CATSPERB: variants seen among roughly 807,000 people sequenced by gnomAD.
The protein encoded by CATSPERB is catsper channel auxiliary subunit beta, also known as cation channel sperm-associated auxiliary subunit beta.
CATSPERB carries 93 observed loss-of-function variants against 128.3 expected under a neutral mutation model. The observed-to-expected ratio is 0.72, with a 90% CI of 0.61 to 0.86. The LOEUF is 0.86. Ranked by LOEUF, CATSPERB falls within the 40% of genes least tolerant of loss-of-function variation. The pLI, the probability that CATSPERB is intolerant of heterozygous loss-of-function variation, is 0.00. For missense variants in CATSPERB, 1,153 were observed against 1,329.5 expected (o/e 0.87, Z 2.06); for synonymous variants, 381 against 448.8 (o/e 0.85, Z 1.91).
intron 15 of CATSPERB, among the ~76,000 whole-genome samples, chr14:91,653,693 C>T (rs535412945): frequency 1.3e-5 from 2 of 152,224 alleles, no homozygotes. Flanking sequence ...AAAAACCAGC[C>T]CCCATGATTT....
intron 15 of CATSPERB, among the ~76,000 whole-genome samples, chr14:91,649,797 C>T (rs1224949525): frequency 1.3e-5 from 2 of 151,632 alleles, no homozygotes; most frequent in African/African-American, 4.9e-5. Context: ...TTAGTTTTAA[C>T]TTTTTGTTAT....
chr14:91,639,623 T>C (rs1229295925), intron 15 of CATSPERB, among the ~76,000 whole-genome samples: 2 of 152,136 alleles, frequency 1.3e-5, no homozygotes, highest in African/African-American at 2.4e-5. Flanking sequence ...AGGCGAATCA[T>C]CAGTAGACAT....
At chr14:91,663,940 G>GT (rs1219051183) in intron 14 of CATSPERB, among the ~76,000 whole-genome samples, 1 of 152,050 alleles carries the variant, frequency 6.6e-6, no homozygotes, top group Non-Finnish European at 1.5e-5. Context: ...AACCTACACT[G>GT]ATACATCATT....
chr14:91,710,044 G>T, intron 5 of CATSPERB: 1 of 154,788 alleles, frequency 6.5e-6, no homozygotes, highest in South Asian at 2.0e-4. Flanking sequence ...GAGGCTGTGT[G>T]AATAGTATTA....
At position 91,604,962 on chromosome 14, in the gene CATSPERB, A is replaced by T. The variant is rs1893673881; in HGVS notation, c.2709+3332T>A. 4.3e-6 allele frequency: 5 copies of T among 1,171,474 alleles called. No individual in the cohort carries two copies. In the Admixed American group the frequency reaches 8.4e-5, roughly 20 times the overall value. The allele number at this position is 1,171,474 out of a possible 1,614,324, so 72.6% of individuals were successfully genotyped here. A position where few individuals can be genotyped will look rare whatever the true frequency, so the allele number is the denominator to read the frequency against. On this transcript the variant is annotated intron_variant, in intron 22 of 26. Coordinates refer to ENST00000256343, the MANE Select transcript of CATSPERB (RefSeq NM_024764.4). The stretch of plus-strand genomic sequence containing the variant: ...AGTTCTTGCATCTGCTGGAGGCTGA[A>T]GTATTTCTGTCCCTGAAATCTATCA...
At chr14:91,670,095 G>T in intron 13 of CATSPERB, 123 bp from the exon 14 acceptor site, 1 of 841,774 alleles carries the variant, frequency 1.2e-6, no homozygotes, top group Non-Finnish European at 1.9e-6. Context: ...GAACTAGAAG[G>T]ATTAGCAGTA....
At position 91,652,777 on chromosome 14, in the gene CATSPERB, T is replaced by C. The variant is rs75846424; in HGVS notation, c.1432+7060A>G. Among the ~76,000 whole-genome samples the C allele has an allele frequency of 7.2e-5, 11 of 151,728 alleles. No individual in the cohort carries two copies. The East Asian group carries it at 1.7e-3, about 24-fold the overall frequency. ...GTTCAACATTGTGCTCCTAACAATATTCACAATTACTTTCATTTATTTCAC... is the reference window on the plus strand; with the variant it reads ...GTTCAACATTGTGCTCCTAACAATACTCACAATTACTTTCATTTATTTCAC... On this transcript the variant is annotated intron_variant, in intron 15 of 26. Transcript: ENST00000256343.
chr14:91,682,721 G>A (rs1321211379), intron 11 of CATSPERB, among the ~76,000 whole-genome samples: 1 of 152,154 alleles, frequency 6.6e-6, no homozygotes, highest in Admixed American at 6.5e-5. Flanking sequence ...GCATCCTGGT[G>A]GTTTTACCCA....
At chr14:91,600,651 A>G (rs1430700405) in intron 22 of CATSPERB, among the ~76,000 whole-genome samples, 1 of 152,256 alleles carries the variant, frequency 6.6e-6, no homozygotes, top group Non-Finnish European at 1.5e-5. Flanking sequence ...TTCCTATGGA[A>G]TAATTTCACT....
At chr14:91,638,249 A>G (rs1433513029) in intron 16 of CATSPERB, among the ~76,000 whole-genome samples, 1 of 152,214 alleles carries the variant, frequency 6.6e-6, no homozygotes, top group East Asian at 1.9e-4. Flanking sequence ...TACCTTCACA[A>G]GCAGCATATT....
chr14:91,673,240 G>C (rs1895130379), intron 12 of CATSPERB, among the ~76,000 whole-genome samples: 1 of 152,154 alleles, frequency 6.6e-6, no homozygotes, highest in Non-Finnish European at 1.5e-5. Flanking sequence ...TCGACCCTTA[G>C]GCAAGGAACT....
intron 14 of CATSPERB, among the ~76,000 whole-genome samples, chr14:91,664,569 A>G (rs1425265048): frequency 6.6e-6 from 1 of 152,130 alleles, no homozygotes; most frequent in Non-Finnish European, 1.5e-5. Context: ...ACATGGCTTG[A>G]TAACTCATTT....
chr14:91,602,925 C>G (rs1227288083), intron 22 of CATSPERB, among the ~76,000 whole-genome samples: 1 of 152,142 alleles, frequency 6.6e-6, no homozygotes, highest in East Asian at 1.9e-4. Context: ...CTCTACTTTT[C>G]TCTTTGCTTC....
intron 15 of CATSPERB, among the ~76,000 whole-genome samples, chr14:91,659,427 T>C (rs1206976022): frequency 6.6e-6 from 1 of 152,202 alleles, no homozygotes; most frequent in Non-Finnish European, 1.5e-5. Flanking sequence ...ATGAGAGCAG[T>C]GTATCATTCA....
chr14:91,696,644 G>C (rs947093557), intron 7 of CATSPERB, among the ~76,000 whole-genome samples: 21 of 152,168 alleles, frequency 1.4e-4, no homozygotes, highest in African/African-American at 4.8e-4. Flanking sequence ...ATAAACGAAG[G>C]TTTTGTTTAA....
rs1893410795 is a variant in CATSPERB, at chr14:91,591,886, T to G, written c.2820+6A>C. ...CCTGTATTCAGGTAATTAGAAATGATCTTACTTTTTCCCTGCAATCCGAGA... is the reference window on the plus strand; with the variant it reads ...CCTGTATTCAGGTAATTAGAAATGAGCTTACTTTTTCCCTGCAATCCGAGA... On this transcript the variant is annotated splice_donor_region_variant and intron_variant, in intron 23 of 26. Transcript: ENST00000256343. 1 of 1,589,456 alleles carries G rather than the reference T, an allele frequency of 6.3e-7. No homozygotes were observed. Among genetic ancestry groups the G allele is most frequent in the African/African-American group, 1.3e-5 (1 of 74,506 alleles).
Position 91,636,530 on chromosome 14 carries a change from AAGG to A in CATSPERB, c.1634_1636del (p.Ser545del). ...ATATGCAAAAAAGATAATTTCATCT[AAGG>A]AGGTGTGCTGTGGGGCAAGCGCAGT... On this transcript the variant is annotated inframe_deletion, in exon 17 of 27. Coordinates refer to ENST00000256343, the MANE Select transcript of CATSPERB (RefSeq NM_024764.4). 6.2e-7 allele frequency: 1 copy of A among 1,614,088 alleles called. No individual in the cohort carries two copies. Among genetic ancestry groups the A allele is most frequent in the Non-Finnish European group, 8.5e-7 (1 of 1,179,990 alleles).
intron 8 of CATSPERB, 45 bp downstream of exon 8, chr14:91,693,339 A>G: frequency 6.4e-7 from 1 of 1,556,698 alleles, no homozygotes; most frequent in Non-Finnish European, 8.8e-7. Context: ...TCAAATATTG[A>G]TGTAAGTAAA....
chr14:91,668,347 C>T (rs2092235273), intron 14 of CATSPERB, among the ~76,000 whole-genome samples: 1 of 151,778 alleles, frequency 6.6e-6, no homozygotes, highest in Admixed American at 6.6e-5. Context: ...TGCTCTGTGT[C>T]TAGCTAAAGG....
Sources: allele counts gnomAD v4.1 joint callset (sites outside exome capture counted in the v4.1 genomes callset), GRCh38; gene constraint gnomAD v4.1.1; transcripts MANE v1.5; gene names NCBI Gene and HGNC (gene_info 2026-07-23, HGNC 2026-07-21).